The following ASCC3 variants were observed in gnomAD, a reference collection of about 807,000 sequenced individuals.
ASCC3 encodes activating signal cointegrator 1 complex subunit 3, also known as ASC-1 complex subunit P200.
ASCC3 carries 158 observed loss-of-function variants against 256.3 expected under a neutral mutation model. The observed-to-expected ratio is 0.62, with a 90% CI of 0.54 to 0.70. ASCC3 has a LOEUF of 0.70. ASCC3 is among the 30% of genes least tolerant of loss of function. The probability of loss-of-function intolerance (pLI) is 0.00; values close to 1 mark genes in which losing one functional copy is unlikely to be tolerated. For missense variants in ASCC3, 2,259 were observed against 2,626.0 expected (o/e 0.86, Z 3.05); for synonymous variants, 948 against 883.4 (o/e 1.07, Z -1.30).
chr6:100,608,059 C>T (rs1487594038), intron 30 of ASCC3, among the ~76,000 whole-genome samples: 3 of 13,918 alleles, frequency 2.2e-4, no homozygotes, highest in East Asian at 1.3e-3. Flanking sequence ...TACATATATA[C>T]ACATATATAT....
At chr6:100,681,068 T>C (rs1457449399) in intron 13 of ASCC3, among the ~76,000 whole-genome samples, 1 of 152,160 alleles carries the variant, frequency 6.6e-6, no homozygotes, top group African/African-American at 2.4e-5. Flanking sequence ...ATTTAAGCCA[T>C]AGTAATCTTA....
chr6:100,748,304 T>C (rs1266911585), intron 10 of ASCC3, among the ~76,000 whole-genome samples: 3 of 151,832 alleles, frequency 2.0e-5, no homozygotes, highest in Non-Finnish European at 4.4e-5. Flanking sequence ...TCATGAAGTA[T>C]AGTAAGTTAG....
intron 3 of ASCC3, among the ~76,000 whole-genome samples, chr6:100,850,620 G>C (rs1043389325): frequency 6.6e-6 from 1 of 152,144 alleles, no homozygotes; most frequent in Non-Finnish European, 1.5e-5. Flanking sequence ...ATGTGTAGAA[G>C]ATTAACAGTT....
intron 36 of ASCC3, among the ~76,000 whole-genome samples, chr6:100,551,360 G>C (rs911201750): frequency 6.6e-6 from 1 of 151,882 alleles, no homozygotes; most frequent in African/African-American, 2.4e-5. Context: ...TAATGAGGAA[G>C]AGGTACATAT....
intron 33 of ASCC3, among the ~76,000 whole-genome samples, chr6:100,604,618 T>A (rs975138706): frequency 4.6e-5 from 7 of 151,652 alleles, no homozygotes; most frequent in Non-Finnish European, 7.4e-5. Flanking sequence ...TTTTTTTTTT[T>A]ACTTTTTTGT....
chr6:100,656,100 T>C (rs1277066848), intron 16 of ASCC3, among the ~76,000 whole-genome samples: 1 of 151,712 alleles, frequency 6.6e-6, no homozygotes, highest in African/African-American at 2.4e-5. Flanking sequence ...TAATTCTACA[T>C]AGCATTAAGG....
At chr6:100,628,078 C>CAAAAAAAAAAAAAAAAAAAA (rs1433270711) in intron 27 of ASCC3, 91 bp from the exon 28 acceptor site, 1 of 1,065,718 alleles carries the variant, frequency 9.4e-7, no homozygotes, top group African/African-American at 1.8e-5. Context: ...GTAGCTTCCT[C>CAAAAAAAAAAAAAAAAAAAA]AAAAAACAAA....
At chr6:100,612,040 GA>G (rs771980600) in intron 30 of ASCC3, among the ~76,000 whole-genome samples, 10 of 152,028 alleles carry the variant, frequency 6.6e-5, no homozygotes, top group Non-Finnish European at 1.0e-4. Context: ...ATACGTAACA[GA>G]AAAACAGATC....
chr6:100,748,264 A>G (rs187909989), intron 10 of ASCC3, among the ~76,000 whole-genome samples: 2 of 152,124 alleles, frequency 1.3e-5, no homozygotes, highest in East Asian at 1.9e-4. Flanking sequence ...ATGTAGCACA[A>G]TCATCAAGTC....
At chr6:100,795,959 A>C (rs1002095594) in intron 8 of ASCC3, among the ~76,000 whole-genome samples, 28 of 152,256 alleles carry the variant, frequency 1.8e-4, no homozygotes, top group African/African-American at 6.3e-4. Flanking sequence ...TTATTACTCA[A>C]GCTTATGATG....
chr6:100,750,441 C>G (rs1780886914), intron 10 of ASCC3, among the ~76,000 whole-genome samples: 1 of 151,870 alleles, frequency 6.6e-6, no homozygotes, highest in Non-Finnish European at 1.5e-5. Flanking sequence ...TTTAGAGGAA[C>G]TGATTGTTTA....
In ASCC3 at chr6:100,848,399, T is replaced by C. The variant is rs771286738; in HGVS notation, c.550A>G (p.Ile184Val). The change falls in exon 4 of 42, where the codon ATA (isoleucine) becomes GTA (valine). Residue 184 changes from isoleucine to valine, a missense_variant. Transcript: ENST00000369162. ...ATAGTTTTCTGAGTTTCACCATTTA[T>C]TGGCAGTTCGTCAAAGTGGTCCAAA... ...HDLDHFDELPINGETQKTISL... is the reference protein window; with the variant it reads ...HDLDHFDELPVNGETQKTISL... 1.4e-5 allele frequency: 23 copies of C among 1,613,496 alleles called. No individual in the cohort carries two copies. The South Asian group carries it at 1.4e-4, about 10-fold the overall frequency.
At chr6:100,710,648 A>G (rs1778814488) in intron 13 of ASCC3, among the ~76,000 whole-genome samples, 1 of 152,144 alleles carries the variant, frequency 6.6e-6, no homozygotes. Flanking sequence ...TCCCTACTAC[A>G]GTGAGGGAAT....
At chr6:100,510,415 C>A (rs1773703904) in intron 40 of ASCC3, 2 of 305,980 alleles carry the variant, frequency 6.5e-6, no homozygotes, top group South Asian at 9.7e-5. Context: ...TCATGCTATT[C>A]CTACAATTAA....
intron 36 of ASCC3, among the ~76,000 whole-genome samples, chr6:100,549,939 C>A (rs1452352823): frequency 6.6e-6 from 1 of 151,594 alleles, no homozygotes; most frequent in Non-Finnish European, 1.5e-5. Context: ...GCATTCCAGG[C>A]AAAGAAAATA....
intron 36 of ASCC3, among the ~76,000 whole-genome samples, chr6:100,563,328 G>A (rs1770052697): frequency 1.3e-5 from 2 of 151,974 alleles, no homozygotes; most frequent in South Asian, 2.1e-4. Context: ...TTAACATTAT[G>A]CTTGGCTTTA....
At chr6:100,550,292 A>G (rs1230933498) in intron 36 of ASCC3, among the ~76,000 whole-genome samples, 1 of 151,852 alleles carries the variant, frequency 6.6e-6, no homozygotes, top group African/African-American at 2.4e-5. Context: ...GGGTCTACAG[A>G]TTTTGAATGA....
At chr6:100,755,366 C>T (rs990441611) in intron 10 of ASCC3, among the ~76,000 whole-genome samples, 2 of 149,148 alleles carry the variant, frequency 1.3e-5, no homozygotes, top group African/African-American at 2.5e-5. Flanking sequence ...TGTGCTTCCT[C>T]TTTTTTTTTT....
chr6:100,750,406 C>A (rs1268151611), intron 10 of ASCC3, among the ~76,000 whole-genome samples: 1 of 151,892 alleles, frequency 6.6e-6, no homozygotes, highest in East Asian at 1.9e-4. Flanking sequence ...TTATGAAGTT[C>A]CTGCTCTATC....
Sources: allele counts gnomAD v4.1 joint callset (sites outside exome capture counted in the v4.1 genomes callset), GRCh38; gene constraint gnomAD v4.1.1; transcripts MANE v1.5; gene names NCBI Gene and HGNC (gene_info 2026-07-23, HGNC 2026-07-21).